The following AFF3 variants were observed in gnomAD, a reference collection of about 807,000 sequenced individuals.
AFF3 encodes ALF transcription elongation factor 3.
In AFF3, 32 loss-of-function variants were observed where a neutral mutation model predicts 129.7. The ratio of observed to expected loss-of-function variants is 0.25; its 90% CI spans 0.19 to 0.33. The LOEUF is 0.33. Ranked by LOEUF, AFF3 falls within the 10% of genes least tolerant of loss-of-function variation. The pLI is 1.00. For missense variants in AFF3, 1,373 were observed against 1,592.0 expected (o/e 0.86, Z 2.34); for synonymous variants, 644 against 635.4 (o/e 1.01, Z -0.20).
At chr2:100,081,125 C>T (rs556343939) in intron 4 of AFF3, among the ~76,000 whole-genome samples, 3 of 152,018 alleles carry the variant, frequency 2.0e-5, no homozygotes, top group African/African-American at 7.2e-5. Context: ...GGAAGTAGGG[C>T]GACAAGGGTT....
chr2:100,007,749 CG>C (rs1445118884), intron 5 of AFF3: 21 of 405,576 alleles, frequency 5.2e-5, no homozygotes, highest in Middle Eastern at 1.5e-3. Flanking sequence ...CCGAGGTGGG[CG>C]GAACACCTGA....
chr2:99,772,790 A>G (rs1683593715), intron 8 of AFF3, among the ~76,000 whole-genome samples: 1 of 152,196 alleles, frequency 6.6e-6, no homozygotes, highest in Non-Finnish European at 1.5e-5. Context: ...GAAGTTGAAC[A>G]CAAAGAAGGG....
At chr2:100,087,596 T>C (rs1185763868) in intron 4 of AFF3, among the ~76,000 whole-genome samples, 5 of 151,826 alleles carry the variant, frequency 3.3e-5, no homozygotes, top group African/African-American at 4.9e-5. Flanking sequence ...ATTCAGAGAA[T>C]ATGCAGAAAC....
At chr2:100,011,125 T>G (rs1682497192) in intron 4 of AFF3, among the ~76,000 whole-genome samples, 1 of 151,922 alleles carries the variant, frequency 6.6e-6, no homozygotes, top group African/African-American at 2.4e-5. Context: ...ATACAAAAAA[T>G]TAGCCAGGGG....
chr2:99,620,230 C>A (rs1681859956), intron 13 of AFF3, among the ~76,000 whole-genome samples: 2 of 152,154 alleles, frequency 1.3e-5, no homozygotes, highest in African/African-American at 4.8e-5. Flanking sequence ...TGCTGATAAC[C>A]CCACTGTGGG....
At chr2:99,844,169 T>C (rs937064930) in intron 7 of AFF3, among the ~76,000 whole-genome samples, 4 of 152,166 alleles carry the variant, frequency 2.6e-5, no homozygotes, top group African/African-American at 9.7e-5. Flanking sequence ...TTCTGGTATA[T>C]GATATAAAGC....
chr2:99,816,769 A>G (rs532889355), intron 8 of AFF3, among the ~76,000 whole-genome samples: 1 of 152,094 alleles, frequency 6.6e-6, no homozygotes, highest in South Asian at 2.1e-4. Context: ...GTCCTTCACA[A>G]GTGTTCCTGA....
intron 4 of AFF3, among the ~76,000 whole-genome samples, chr2:100,024,639 A>T (rs922299147): frequency 1.3e-5 from 2 of 151,792 alleles, no homozygotes. Context: ...TTATTATTAT[A>T]AAACAAAAAT....
At chr2:99,900,203 T>C (rs1361739893) in intron 7 of AFF3, among the ~76,000 whole-genome samples, 1 of 152,188 alleles carries the variant, frequency 6.6e-6, no homozygotes, top group Non-Finnish European at 1.5e-5. Context: ...AGTATTACCA[T>C]CTCATGATGA....
intron 7 of AFF3, among the ~76,000 whole-genome samples, chr2:99,906,367 C>T (rs1477217389): frequency 1.3e-5 from 2 of 152,158 alleles, no homozygotes; most frequent in Non-Finnish European, 2.9e-5. Flanking sequence ...GACTTCTCAA[C>T]TACCAAGTGG....
At chr2:99,568,052 G>A (rs1676141297) in intron 19 of AFF3, among the ~76,000 whole-genome samples, 1 of 152,150 alleles carries the variant, frequency 6.6e-6, no homozygotes, top group Non-Finnish European at 1.5e-5. Flanking sequence ...GTAAATAAGT[G>A]TTTAATAGGT....
At chr2:99,880,403 G>C (rs145720648) in intron 7 of AFF3, among the ~76,000 whole-genome samples, 21 of 152,184 alleles carry the variant, frequency 1.4e-4, no homozygotes, top group African/African-American at 5.1e-4. Context: ...TTTTCCCCTC[G>C]GGAAAGACCA....
chr2:99,835,079 CTAA>C lies in AFF3; in HGVS notation c.921+2395_921+2397del, dbSNP rs113951582. 7.4e-3 allele frequency among the ~76,000 whole-genome samples: 1,131 copies of C among 152,250 alleles called. 16 individuals are homozygous for C. Among genetic ancestry groups the C allele is most frequent in the African/African-American group, 0.026 (1,095 of 41,542 alleles). ...CCCTTCCCGCAAACCAGGATCTTCC[CTAA>C]TGTTTCCCATGGCCGTAAGCGCACC... is the stretch of plus-strand genomic sequence containing the variant. On this transcript the variant is annotated intron_variant, in intron 8 of 24. Coordinates refer to ENST00000672756, the MANE Select transcript of AFF3 (RefSeq NM_001386135.1).
At chr2:99,826,692 A>AGAT (rs1315338354) in intron 8 of AFF3, among the ~76,000 whole-genome samples, 19 of 152,160 alleles carry the variant, frequency 1.2e-4, no homozygotes, top group African/African-American at 4.1e-4. Flanking sequence ...ACGTGGTGAA[A>AGAT]GATGAGTCTG....
At position 99,766,759 on chromosome 2, in the gene AFF3, C is replaced by A. The variant is rs548830263; in HGVS notation, c.922-14458G>T. ...CAGTATAGCCTGATAAAGTGCTTATCCATTGGGAAAAGATATTCTATGGGA... is the reference window on the plus strand; with the variant it reads ...CAGTATAGCCTGATAAAGTGCTTATACATTGGGAAAAGATATTCTATGGGA... On this transcript the variant is annotated intron_variant, in intron 8 of 24. Coordinates refer to ENST00000672756, the MANE Select transcript of AFF3 (RefSeq NM_001386135.1). Among the ~76,000 whole-genome samples, 19 of 152,170 alleles carry A rather than the reference C, an allele frequency of 1.2e-4. No individual in the cohort carries two copies. In the South Asian group the frequency reaches 3.5e-3, roughly 28 times the overall value.
rs1674360699 is a variant in AFF3, at chr2:99,550,938, T to C, written c.*536A>G. ...CATTATTCAATTACCCATTAATACA[T>C]ACCAATCAAAAAATAATTGGGGAAT... On this transcript the variant is annotated 3_prime_UTR_variant, in exon 25 of 25. Coordinates refer to ENST00000672756, the MANE Select transcript of AFF3 (RefSeq NM_001386135.1). 1 of 307,702 alleles carries C rather than the reference T, an allele frequency of 3.2e-6. No homozygotes were observed. Among genetic ancestry groups the C allele is most frequent in the African/African-American group, 2.1e-5 (1 of 47,158 alleles). 19.1% of individuals were successfully genotyped at this position (307,702 alleles called of 1,614,324 possible).
chr2:99,549,579 G>A lies in AFF3; in HGVS notation c.*1895C>T, dbSNP rs752950343. On this transcript the variant is annotated 3_prime_UTR_variant, in exon 25 of 25. Transcript: ENST00000672756. ...CAGCCTGGGCAACAGAGCGAAACTC[G>A]TCTCAAAAAAAAAGTGAAAGGGTTG... 11 of 191,482 alleles carry A rather than the reference G, an allele frequency of 5.7e-5. 1 individual carries two copies. The highest frequency in any genetic ancestry group is 3.1e-4 in the Admixed American group (5 of 16,284). 11.9% of individuals were successfully genotyped at this position (191,482 alleles called of 1,614,324 possible).
chr2:99,992,188 TA>T (rs990612810), intron 7 of AFF3, among the ~76,000 whole-genome samples: 19 of 152,344 alleles, frequency 1.2e-4, no homozygotes, highest in Admixed American at 5.9e-4. Flanking sequence ...AAATTTTATT[TA>T]TTTTTTTTAC....
chr2:99,753,313 T>C (rs1055564019), intron 8 of AFF3, among the ~76,000 whole-genome samples: 2 of 152,102 alleles, frequency 1.3e-5, no homozygotes, highest in African/African-American at 4.8e-5. Flanking sequence ...TTGGCCAGGC[T>C]GGTCTCAAAC....
Sources: gnomAD v4.1 joint callset for allele counts (sites outside exome capture counted in the v4.1 genomes callset) on GRCh38, gnomAD v4.1.1 for gene constraint, MANE v1.5 for transcripts, NCBI Gene and HGNC (gene_info 2026-07-23, HGNC 2026-07-21) for gene names.